Variants in NSL1 observed in about 807,000 individuals in gnomAD.
NSL1 encodes NSL1 component of MIS12 kinetochore complex, also known as kinetochore-associated protein NSL1 homolog.
NSL1 carries 11 observed loss-of-function variants against 25.4 expected under a neutral mutation model. That is an observed-to-expected ratio of 0.43 (90% CI 0.27 to 0.72). The LOEUF is 0.72. Among genes scored for constraint, NSL1 ranks in the 30% least tolerant of loss-of-function variants. The pLI is 0.19. For synonymous variants in NSL1, 118 were observed against 120.6 expected, an observed-to-expected ratio of 0.98 and a Z score of 0.14; for missense variants, 330 against 342.7, an observed-to-expected ratio of 0.96 and a Z score of 0.29.
intron 1 of NSL1, among the ~76,000 whole-genome samples, chr1:212,789,948 G>C (rs1006152344): frequency 6.6e-6 from 1 of 152,114 alleles, no homozygotes; most frequent in Non-Finnish European, 1.5e-5. Context: ...AGGGAATGAC[G>C]TAAGAGTCAC....
intron 4 of NSL1, 44 bp from the exon 5 acceptor site, chr1:212,739,645 A>T (rs368766025): frequency 1.2e-5 from 19 of 1,587,002 alleles, no homozygotes; most frequent in Admixed American, 1.7e-5. Context: ...TTTATCTAAT[A>T]GCAAATCATA....
At position 212,737,027 on chromosome 1, in the gene NSL1, CAACAT is replaced by C. The variant is rs1365058875; in HGVS notation, c.*1376_*1380del. On this transcript the variant is annotated 3_prime_UTR_variant, in exon 6 of 6. Coordinates refer to ENST00000366977, the MANE Select transcript of NSL1 (RefSeq NM_015471.4). Reference sequence around the variant, plus strand: ...AAAAACATTAGCACTGTAAAAACAGCAACATATTATACAGCCTCAAAACAGTTTTA... The same window carrying C: ...AAAAACATTAGCACTGTAAAAACAGCATTATACAGCCTCAAAACAGTTTTA... 1 of 984,964 alleles carries C rather than the reference CAACAT, an allele frequency of 1.0e-6. No homozygotes were observed. Among genetic ancestry groups the C allele is most frequent in the African/African-American group, 1.7e-5 (1 of 57,226 alleles). 61.0% of individuals were successfully genotyped at this position (984,964 alleles called of 1,614,324 possible).
intron 4 of NSL1, among the ~76,000 whole-genome samples, chr1:212,742,284 T>A (rs1379774977): frequency 6.6e-6 from 1 of 152,218 alleles, no homozygotes; most frequent in African/African-American, 2.4e-5. Flanking sequence ...AATTTACATT[T>A]GAAGCCATTC....
intron 2 of NSL1, among the ~76,000 whole-genome samples, chr1:212,786,023 T>C (rs930427360): frequency 2.6e-5 from 4 of 152,068 alleles, no homozygotes; most frequent in Non-Finnish European, 5.9e-5. Flanking sequence ...TTTTCCTTTT[T>C]CTCTTTCTTT....
intron 1 of NSL1, 139 bp downstream of exon 1, chr1:212,791,391 C>A: frequency 1.3e-6 from 1 of 761,688 alleles, no homozygotes; most frequent in South Asian, 1.7e-5. Flanking sequence ...TCTCCTCTAG[C>A]GTTTCTCGAA....
rs1291511903 is a variant in NSL1, at chr1:212,727,633, A to C, written c.*10775T>G. 1 of 985,290 alleles carries C rather than the reference A, an allele frequency of 1.0e-6. No homozygotes were observed. Among genetic ancestry groups the C allele is most frequent in the Non-Finnish European group, 1.2e-6 (1 of 829,888 alleles). The allele number at this position is 985,290 out of a possible 1,614,324, so 61.0% of individuals were successfully genotyped here. A position where few individuals can be genotyped will look rare whatever the true frequency, so the allele number is the denominator to read the frequency against. On this transcript the variant is annotated 3_prime_UTR_variant, in exon 6 of 6. Transcript: ENST00000366977. Reference sequence around the variant, plus strand: ...TAACCTTCTAAAATTCACACGTCACAAATTCAGAATTTACTATAATTATAA... The same window carrying C: ...TAACCTTCTAAAATTCACACGTCACCAATTCAGAATTTACTATAATTATAA...
rs1366037423 is a variant in NSL1 at position 212,728,711 on chromosome 1, C to T, written c.*9697G>A. The T allele has an allele frequency of 3.0e-6, 3 of 985,310 alleles. No individual in the cohort carries two copies. Among genetic ancestry groups the T allele is most frequent in the Admixed American group, 1.2e-4 (2 of 16,258 alleles). 61.0% of individuals were successfully genotyped at this position (985,310 alleles called of 1,614,324 possible). On this transcript the variant is annotated 3_prime_UTR_variant, in exon 6 of 6. Coordinates refer to ENST00000366977, the MANE Select transcript of NSL1 (RefSeq NM_015471.4). ...GGTGAGATCTCTGGAGAATGGAACA[C>T]CTTCACAGACAACATCAGGGATAAA... is the stretch of plus-strand genomic sequence containing the variant.
chr1:212,741,980 C>T (rs1658526742), intron 4 of NSL1, among the ~76,000 whole-genome samples: 1 of 152,106 alleles, frequency 6.6e-6, no homozygotes, highest in Non-Finnish European at 1.5e-5. Flanking sequence ...TAGTACAATG[C>T]CTGGAAGACA....
At chr1:212,787,006 A>T (rs1363036828) in intron 2 of NSL1, among the ~76,000 whole-genome samples, 5 of 151,688 alleles carry the variant, frequency 3.3e-5, no homozygotes, top group Non-Finnish European at 5.9e-5. Context: ...TCTACCAAAA[A>T]TACAAGTTAG....
intron 4 of NSL1, among the ~76,000 whole-genome samples, chr1:212,761,206 A>C (rs570971272): frequency 6.6e-6 from 1 of 152,350 alleles, no homozygotes; most frequent in African/African-American, 2.4e-5. Context: ...AGGAAACATG[A>C]CACTTCCAAA....
chr1:212,736,513 T>C lies in NSL1; in HGVS notation c.*1895A>G, dbSNP rs886620567. 3.7e-5 allele frequency: 36 copies of C among 984,906 alleles called. No homozygotes were observed. The highest frequency in any genetic ancestry group is 4.3e-5 in the Non-Finnish European group (36 of 829,562). The allele number at this position is 984,906 out of a possible 1,614,324, so 61.0% of individuals were successfully genotyped here. On this transcript the variant is annotated 3_prime_UTR_variant, in exon 6 of 6. Transcript: ENST00000366977. ...AAATGCAACTTCTCCTCTTACACAG[T>C]ATACTTATTCAATATTATTACTGCT...
At position 212,736,620 on chromosome 1, in the gene NSL1, C is replaced by A. The variant is rs750444089; in HGVS notation, c.*1788G>T. The A allele has an allele frequency of 4.9e-5, 48 of 985,346 alleles. No homozygotes were observed. The highest frequency in any genetic ancestry group is 5.8e-5 in the Non-Finnish European group (48 of 829,868). The allele number at this position is 985,346 out of a possible 1,614,324, so 61.0% of individuals were successfully genotyped here. On this transcript the variant is annotated 3_prime_UTR_variant, in exon 6 of 6. Coordinates refer to ENST00000366977, the MANE Select transcript of NSL1 (RefSeq NM_015471.4). ...ATTTCTATTTTAAACTCTGCTATAA[C>A]TATGGAGTAAAACTTTGGGCTCTCA... is the stretch of plus-strand genomic sequence containing the variant.
chr1:212,752,502 G>A (rs1044201297), intron 4 of NSL1, among the ~76,000 whole-genome samples: 1 of 152,076 alleles, frequency 6.6e-6, no homozygotes, highest in African/African-American at 2.4e-5. Context: ...CCTTGCCATC[G>A]CTACATGTTT....
intron 4 of NSL1, chr1:212,764,049 A>C (rs1571893751): frequency 4.6e-6 from 2 of 438,456 alleles, no homozygotes; most frequent in East Asian, 1.5e-4. Flanking sequence ...GTCTCAATAA[A>C]TTTAAGAAAA....
At chr1:212,770,676 T>C (rs11809233) in intron 4 of NSL1, among the ~76,000 whole-genome samples, 40 of 152,314 alleles carry the variant, frequency 2.6e-4, no homozygotes, top group African/African-American at 8.4e-4. Flanking sequence ...GAGGGAAGAA[T>C]TGTTCCTAAC....
Position 212,729,836 on chromosome 1 carries a change from G to A in NSL1, c.*8572C>T, listed in dbSNP as rs775638623. On this transcript the variant is annotated 3_prime_UTR_variant, in exon 6 of 6. Coordinates refer to ENST00000366977, the MANE Select transcript of NSL1 (RefSeq NM_015471.4). ...CAATGTAATCAGCTGGTGCTGCAAA[G>A]GGCAGTGATGTGTGGACGAAGGGGT... 2.0e-6 allele frequency: 2 copies of A among 985,282 alleles called. No homozygotes were observed. Among genetic ancestry groups the A allele is most frequent in the Non-Finnish European group, 2.4e-6 (2 of 829,948 alleles). 61.0% of individuals were successfully genotyped at this position (985,282 alleles called of 1,614,324 possible).
chr1:212,791,432 A>G, intron 1 of NSL1, 98 bp downstream of exon 1: 2 of 1,154,704 alleles, frequency 1.7e-6, no homozygotes, highest in Middle Eastern at 4.1e-4. Context: ...GGCACCGTTA[A>G]TTCTGCCAAG....
chr1:212,742,052 C>G (rs992205430), intron 4 of NSL1, among the ~76,000 whole-genome samples: 1 of 152,082 alleles, frequency 6.6e-6, no homozygotes, highest in African/African-American at 2.4e-5. Context: ...CCAACACCAC[C>G]CCCCACTTCA....
chr1:212,770,778 A>G (rs1021435328), intron 4 of NSL1, among the ~76,000 whole-genome samples: 11 of 152,324 alleles, frequency 7.2e-5, no homozygotes, highest in African/African-American at 2.4e-4. Flanking sequence ...TGATGAACAG[A>G]CACAAAAATC....
Sources: allele counts gnomAD v4.1 joint callset (sites outside exome capture counted in the v4.1 genomes callset), GRCh38; gene constraint gnomAD v4.1.1; transcripts MANE v1.5; gene names NCBI Gene and HGNC (gene_info 2026-07-23, HGNC 2026-07-21).